Variants in NF1 observed in about 807,000 individuals in gnomAD.
NF1 encodes the protein neurofibromin 1, also known as neurofibromin.
Under a neutral mutation model 325.7 loss-of-function variants are expected in NF1, and 122 were observed. That is an observed-to-expected ratio of 0.37 (90% CI 0.32 to 0.44). The LOEUF is 0.44. NF1 is among the 20% of genes least tolerant of loss of function. The pLI is 1.00. For synonymous variants in NF1, 1,091 were observed against 1,186.0 expected (o/e 0.92, Z 1.65); for missense variants, 2,140 against 3,415.4 (o/e 0.63, Z 9.31).
intron 36 of NF1, chr17:31,304,075 T>C: frequency 1.9e-6 from 1 of 525,576 alleles, no homozygotes; most frequent in Non-Finnish European, 3.3e-6. Flanking sequence ...AATTAGTAAA[T>C]AGATTACTGT....
Position 31,336,011 on chromosome 17 carries a change from T to C in NF1, c.6007-322T>C, listed in dbSNP as rs2069658506. On this transcript the variant is annotated intron_variant, in intron 40 of 57. Coordinates refer to ENST00000358273, the MANE Select transcript of NF1 (RefSeq NM_001042492.3). This position sits in a 1 kb window ranked among gnomAD's most constrained non-coding sequence, Gnocchi z 5.5. ...CCAGCTCTGTATTTTCAAATTACTA[T>C]TTTATATTGATGCTACATTACTGTC... is the stretch of plus-strand genomic sequence containing the variant. Among the ~76,000 whole-genome samples, 1 of 152,120 alleles carries C rather than the reference T, an allele frequency of 6.6e-6. No homozygotes were observed. The highest frequency in any genetic ancestry group is 2.4e-5 in the African/African-American group (1 of 41,440).
At chr17:31,137,302 C>T (rs954266898) in intron 1 of NF1, 26 of 152,142 alleles carry the variant, frequency 1.7e-4, no homozygotes, top group African/African-American at 6.3e-4. Flanking sequence ...TCTGGAACTA[C>T]AATTAGATGT....
intron 15 of NF1, among the ~76,000 whole-genome samples, chr17:31,223,118 T>C (rs1458125976): frequency 6.6e-6 from 1 of 152,198 alleles, no homozygotes; most frequent in Non-Finnish European, 1.5e-5. Flanking sequence ...GCACTGGGTT[T>C]ATAGGCAGTC....
intron 57 of NF1, among the ~76,000 whole-genome samples, chr17:31,371,447 C>T (rs2070636005): frequency 6.6e-6 from 1 of 152,178 alleles, no homozygotes; most frequent in Non-Finnish European, 1.5e-5. Flanking sequence ...CACAAACATA[C>T]ATCCCAAAGA....
At chr17:31,183,277 TG>T (rs2066171372) in intron 8 of NF1, 1 of 163,794 alleles carries the variant, frequency 6.1e-6, no homozygotes, top group Non-Finnish European at 1.3e-5. Context: ...ATATGCAGTT[TG>T]TTTTGCAAAT....
intron 1 of NF1, chr17:31,136,910 A>G (rs984826673): frequency 6.6e-6 from 1 of 152,166 alleles, no homozygotes; most frequent in Non-Finnish European, 1.5e-5. Flanking sequence ...TGCCCCATGG[A>G]TAAGGGGAGA....
In NF1 at chr17:31,352,332, C is replaced by T. The variant is rs760733171; in HGVS notation, c.7533C>T (p.Val2511=). Residue 2511 remains valine, a synonymous_variant, in exon 51 of 58, where the codon GTC becomes GTT. Coordinates refer to ENST00000358273, the MANE Select transcript of NF1 (RefSeq NM_001042492.3). ...ACCTTGCAGCCACCTATCCAACTGTCGGCCAGACCAGTCCCCGAGCCAGGA... is the reference window on the plus strand; with the variant it reads ...ACCTTGCAGCCACCTATCCAACTGTTGGCCAGACCAGTCCCCGAGCCAGGA... ...EGYLAATYPT[V]GQTSPRARKS... 32 of 1,614,016 alleles carry T rather than the reference C, an allele frequency of 2.0e-5. No individual in the cohort carries two copies. Among genetic ancestry groups the T allele is most frequent in the Non-Finnish European group, 2.5e-5 (30 of 1,180,024 alleles).
intron 24 of NF1, 66 bp from the exon 25 acceptor site, chr17:31,232,007 G>A (rs2151433439): frequency 1.1e-6 from 1 of 909,164 alleles, no homozygotes; most frequent in Non-Finnish European, 1.7e-6. Flanking sequence ...TTATTTGAGG[G>A]GAAGTGAAAG....
chr17:31,262,846 T>C (rs561764661), intron 35 of NF1, among the ~76,000 whole-genome samples: 56 of 152,310 alleles, frequency 3.7e-4, no homozygotes, highest in African/African-American at 9.1e-4. Flanking sequence ...CCATACAGAC[T>C]ATTCACATTA....
At chr17:31,114,396 G>C (rs1046442629) in intron 1 of NF1, among the ~76,000 whole-genome samples, 1 of 152,074 alleles carries the variant, frequency 6.6e-6, no homozygotes, top group East Asian at 1.9e-4. Flanking sequence ...AAATTAGCTG[G>C]GCGTGGTGGC....
At position 31,336,327 on chromosome 17, in the gene NF1, A is replaced by G. The variant is rs775960363; in HGVS notation, c.6007-6A>G. The G allele has an allele frequency of 7.4e-6, 12 of 1,613,712 alleles. No homozygotes were observed. Among genetic ancestry groups the G allele is most frequent in the Non-Finnish European group, 1.0e-5 (12 of 1,179,810 alleles). On this transcript the variant is annotated splice_polypyrimidine_tract_variant and splice_region_variant and intron_variant, in intron 40 of 57. Transcript: ENST00000358273. This position sits in a 1 kb window ranked among gnomAD's most constrained non-coding sequence, Gnocchi z 5.5. ...TAAAAACATGTTATTTTCCTTCTTCAACTAGATTACAGATCTGCTTGATGT... is the reference window on the plus strand; with the variant it reads ...TAAAAACATGTTATTTTCCTTCTTCGACTAGATTACAGATCTGCTTGATGT...
At chr17:31,319,192 A>G (rs1202747426) in intron 36 of NF1, among the ~76,000 whole-genome samples, 4 of 152,162 alleles carry the variant, frequency 2.6e-5, no homozygotes, top group African/African-American at 9.7e-5. Context: ...CTATTCAGCT[A>G]TGTATGAAGA....
At chr17:31,316,106 G>T (rs1324889033) in intron 36 of NF1, among the ~76,000 whole-genome samples, 3 of 152,058 alleles carry the variant, frequency 2.0e-5, no homozygotes, top group Admixed American at 2.0e-4. Flanking sequence ...TTACTTTGTT[G>T]TGCAGGCTGG....
chr17:31,112,297 G>C (rs1913485181), intron 1 of NF1, among the ~76,000 whole-genome samples: 1 of 152,040 alleles, frequency 6.6e-6, no homozygotes, highest in Admixed American at 6.5e-5. Flanking sequence ...GAGTAGAAAT[G>C]GGTGGATCAT....
chr17:31,142,050 A>G (rs1433317638), intron 1 of NF1, among the ~76,000 whole-genome samples: 1 of 152,204 alleles, frequency 6.6e-6, no homozygotes, highest in Non-Finnish European at 1.5e-5. Context: ...CACAGAGGCA[A>G]AAATTTTAGC....
chr17:31,102,562 G>C (rs1453393365), intron 1 of NF1, among the ~76,000 whole-genome samples: 3 of 151,984 alleles, frequency 2.0e-5, no homozygotes, highest in African/African-American at 7.3e-5. Context: ...GTGCAACATA[G>C]TGAGATGCTG....
intron 1 of NF1, among the ~76,000 whole-genome samples, chr17:31,109,452 C>T (rs1305885906): frequency 3.3e-5 from 5 of 151,532 alleles, no homozygotes; most frequent in Admixed American, 2.6e-4. Context: ...GGCGCGATCT[C>T]GGCTCACTGC....
At position 31,104,715 on chromosome 17, in the gene NF1, A is replaced by G. The variant is rs574570898; in HGVS notation, c.60+9346A>G. Among the ~76,000 whole-genome samples, 7 of 152,304 alleles carry G rather than the reference A, an allele frequency of 4.6e-5. No homozygotes were observed. The South Asian group carries it at 8.3e-4, about 18-fold the overall frequency. On this transcript the variant is annotated intron_variant, in intron 1 of 57. Transcript: ENST00000358273. ...AGCAAGTTGTAAATTTCTGTATCATACTATGTGGTAGAGCCTTCAGTAAAC... is the reference window on the plus strand; with the variant it reads ...AGCAAGTTGTAAATTTCTGTATCATGCTATGTGGTAGAGCCTTCAGTAAAC...
At chr17:31,228,934 G>T in intron 20 of NF1, 91 bp from the exon 21 acceptor site, 3 of 1,024,816 alleles carry the variant, frequency 2.9e-6, no homozygotes, top group Non-Finnish European at 4.3e-6. Context: ...TTGTACTTTT[G>T]TCATGGAAGA....
Sources: allele counts gnomAD v4.1 joint callset (sites outside exome capture counted in the v4.1 genomes callset), GRCh38; gene constraint gnomAD v4.1.1; non-coding constraint Gnocchi (gnomAD v3.1); transcripts MANE v1.5; gene names NCBI Gene and HGNC (gene_info 2026-07-23, HGNC 2026-07-21).